The following EPHA6 variants were observed in gnomAD, a reference collection of about 807,000 sequenced individuals.
EPHA6 encodes the protein ephrin type-A receptor 6.
Under a neutral mutation model 112.0 loss-of-function variants are expected in EPHA6, and 50 were observed. The ratio of observed to expected loss-of-function variants is 0.45; its 90% CI spans 0.36 to 0.56. The LOEUF (loss-of-function observed/expected upper bound fraction) is 0.56. Ranked by LOEUF, EPHA6 falls within the 20% of genes least tolerant of loss-of-function variation. The probability of loss-of-function intolerance (pLI) is 0.00; values close to 1 mark genes in which losing one functional copy is unlikely to be tolerated. For synonymous variants in EPHA6, 529 were observed against 490.7 expected (o/e 1.08, Z -1.03); for missense variants, 1,280 against 1,417.4 (o/e 0.90, Z 1.56).
At chr3:97,190,783 G>A (rs1041056665) in intron 3 of EPHA6, among the ~76,000 whole-genome samples, 1 of 151,848 alleles carries the variant, frequency 6.6e-6, no homozygotes, top group Non-Finnish European at 1.5e-5. Context: ...CGAGTTAGTG[G>A]GTGCAGCGCA....
Position 97,720,247 on chromosome 3 carries a change from A to C in EPHA6, c.2785-14A>C, listed in dbSNP as rs777615525. Reference sequence around the variant, plus strand: ...ACGATAAGCCAGCTAAGAAATCTCCAATTTGTTTTCCAGGGTGGAAAAATC... The same window carrying C: ...ACGATAAGCCAGCTAAGAAATCTCCCATTTGTTTTCCAGGGTGGAAAAATC... On this transcript the variant is annotated splice_polypyrimidine_tract_variant and intron_variant, in intron 14 of 17. Coordinates refer to ENST00000389672, the MANE Select transcript of EPHA6 (RefSeq NM_001080448.3). 1.3e-6 allele frequency: 2 copies of C among 1,561,212 alleles called. No homozygotes were observed. Among genetic ancestry groups the C allele is most frequent in the East Asian group, 2.3e-5 (1 of 43,068 alleles).
Position 97,752,673 on chromosome 3 carries a change from A to G in EPHA6, c.*3972A>G, listed in dbSNP as rs2035930615. Among the ~76,000 whole-genome samples, 1 of 152,148 alleles carries G rather than the reference A, an allele frequency of 6.6e-6. No homozygotes were observed. Among genetic ancestry groups the G allele is most frequent in the Non-Finnish European group, 1.5e-5 (1 of 67,990 alleles). ...CATAATTGAGAACATTTGTACTCACAGAGGATATGGGTTCTGGCTTTTCCT... is the reference window on the plus strand; with the variant it reads ...CATAATTGAGAACATTTGTACTCACGGAGGATATGGGTTCTGGCTTTTCCT... On this transcript the variant is annotated 3_prime_UTR_variant, in exon 18 of 18. Transcript: ENST00000389672.
chr3:97,225,003 T>C (rs552436172), intron 3 of EPHA6, among the ~76,000 whole-genome samples: 2 of 152,294 alleles, frequency 1.3e-5, no homozygotes, highest in Admixed American at 1.3e-4. Flanking sequence ...TCGCCCAGGC[T>C]GGAGTGCAGT....
At chr3:97,394,820 G>A (rs1253655942) in intron 5 of EPHA6, among the ~76,000 whole-genome samples, 1 of 151,710 alleles carries the variant, frequency 6.6e-6, no homozygotes, top group African/African-American at 2.4e-5. Context: ...CTTATGCACT[G>A]TTGTTGGGAA....
intron 3 of EPHA6, among the ~76,000 whole-genome samples, chr3:97,099,465 A>T (rs1341100437): frequency 6.6e-6 from 1 of 150,976 alleles, no homozygotes; most frequent in Non-Finnish European, 1.5e-5. Context: ...AAAGGATTAG[A>T]TATTTCTTAA....
rs995079763 is a variant in EPHA6, at chr3:97,543,311, A to T, written c.2386+10768A>T. Among the ~76,000 whole-genome samples the T allele has an allele frequency of 2.6e-5, 4 of 152,218 alleles. No homozygotes were observed. In the East Asian group the frequency reaches 7.7e-4, roughly 29 times the overall value. ...GGGATCCAGTTTCAGCTTTCTACAT[A>T]TGGCTAGCCAGTTTTCCCAGCACCA... On this transcript the variant is annotated intron_variant, in intron 11 of 17. Coordinates refer to ENST00000389672, the MANE Select transcript of EPHA6 (RefSeq NM_001080448.3).
At chr3:97,182,067 G>C (rs933217321) in intron 3 of EPHA6, among the ~76,000 whole-genome samples, 19 of 152,048 alleles carry the variant, frequency 1.2e-4, no homozygotes, top group African/African-American at 4.6e-4. Context: ...CCATACCCCA[G>C]AGAAAAGATG....
intron 4 of EPHA6, among the ~76,000 whole-genome samples, chr3:97,233,910 A>C (rs2108560929): frequency 6.6e-6 from 1 of 152,300 alleles, no homozygotes; most frequent in South Asian, 2.1e-4. Flanking sequence ...ATAGATAGGT[A>C]TAGGAGGCAA....
rs552612401 is a variant in EPHA6 at position 97,300,108 on chromosome 3, G to A, written c.1606+55821G>A. Reference sequence around the variant, plus strand: ...ATTAACAAGTGTTCATAACTTTCAAGAAGATTAGATATAAATTCCATGTTA... The same window carrying A: ...ATTAACAAGTGTTCATAACTTTCAAAAAGATTAGATATAAATTCCATGTTA... On this transcript the variant is annotated intron_variant, in intron 5 of 17. Coordinates refer to ENST00000389672, the MANE Select transcript of EPHA6 (RefSeq NM_001080448.3). Among the ~76,000 whole-genome samples the A allele has an allele frequency of 7.9e-5, 12 of 152,222 alleles. No homozygotes were observed. In the South Asian group the frequency reaches 2.5e-3, roughly 32 times the overall value.
At chr3:97,346,604 C>T (rs539961359) in intron 5 of EPHA6, among the ~76,000 whole-genome samples, 1 of 151,858 alleles carries the variant, frequency 6.6e-6, no homozygotes, top group South Asian at 2.1e-4. Flanking sequence ...GAGGAAGGAA[C>T]GTTTACAGGA....
At chr3:97,684,564 G>T (rs1371932998) in intron 14 of EPHA6, among the ~76,000 whole-genome samples, 1 of 152,100 alleles carries the variant, frequency 6.6e-6, no homozygotes, top group Non-Finnish European at 1.5e-5. Flanking sequence ...GTATTTCTCA[G>T]TCACTTCCAC....
chr3:97,383,717 A>G (rs1254686775), intron 5 of EPHA6, among the ~76,000 whole-genome samples: 1 of 152,138 alleles, frequency 6.6e-6, no homozygotes, highest in Non-Finnish European at 1.5e-5. Context: ...AGTTAAGGAA[A>G]TGTGCGCAGT....
intron 2 of EPHA6, among the ~76,000 whole-genome samples, chr3:96,954,047 T>A: frequency 6.6e-6 from 1 of 152,192 alleles, no homozygotes; most frequent in African/African-American, 2.4e-5. Context: ...TTATTTTTTT[T>A]GTTTTTTGTA....
chr3:97,577,982 T>C (rs184599665), intron 11 of EPHA6, among the ~76,000 whole-genome samples: 120 of 152,094 alleles, frequency 7.9e-4, no homozygotes, highest in South Asian at 1.5e-3. Context: ...GACTCAGAAA[T>C]AATTGCCCAG....
chr3:97,708,485 G>A (rs1457189495), intron 14 of EPHA6, among the ~76,000 whole-genome samples: 2 of 152,210 alleles, frequency 1.3e-5, no homozygotes, highest in African/African-American at 4.8e-5. Context: ...TGTTTAAAAG[G>A]GAAGCAGAGT....
intron 10 of EPHA6, among the ~76,000 whole-genome samples, chr3:97,519,254 T>C (rs936688155): frequency 6.6e-6 from 1 of 152,192 alleles, no homozygotes; most frequent in Admixed American, 6.5e-5. Context: ...GAAGAGGATA[T>C]CTTTTCCCCA....
chr3:97,006,429 AT>A (rs1284720410), intron 3 of EPHA6, among the ~76,000 whole-genome samples: 1 of 151,768 alleles, frequency 6.6e-6, no homozygotes, highest in East Asian at 1.9e-4. Context: ...GGTGGTTTGT[AT>A]TTCTGTGGGG....
chr3:97,684,065 G>A (rs2032068889), intron 14 of EPHA6, among the ~76,000 whole-genome samples: 1 of 152,106 alleles, frequency 6.6e-6, no homozygotes, highest in Admixed American at 6.6e-5. Context: ...ATATTAAACA[G>A]TAACTGCTAC....
intron 11 of EPHA6, among the ~76,000 whole-genome samples, chr3:97,543,370 G>C (rs2092895903): frequency 6.6e-6 from 1 of 152,214 alleles, no homozygotes; most frequent in Non-Finnish European, 1.5e-5. Flanking sequence ...CCCATTGCTT[G>C]TTTTTCTCAG....
Sources: allele counts gnomAD v4.1 joint callset (sites outside exome capture counted in the v4.1 genomes callset), GRCh38; gene constraint gnomAD v4.1.1; transcripts MANE v1.5; gene names NCBI Gene and HGNC (gene_info 2026-07-23, HGNC 2026-07-21).